MRTFA: variants seen among roughly 807,000 people sequenced by gnomAD.
MRTFA encodes the protein myocardin-related transcription factor A.
Under a neutral mutation model 83.5 loss-of-function variants are expected in MRTFA, and 20 were observed. The observed-to-expected ratio is 0.24, with a 90% CI of 0.17 to 0.35. MRTFA has a LOEUF of 0.35. MRTFA is among the 10% of genes least tolerant of loss of function. The pLI is 1.00. For synonymous variants in MRTFA, 659 were observed against 541.2 expected (o/e 1.22, Z -3.02); for missense variants, 1,200 against 1,224.7 (o/e 0.98, Z 0.30).
chr22:40,625,610 T>A (rs1806709239), intron 1 of MRTFA, among the ~76,000 whole-genome samples: 1 of 152,042 alleles, frequency 6.6e-6, no homozygotes, highest in African/African-American at 2.4e-5. Flanking sequence ...AAACCCTATC[T>A]CTACTAAAAA....
chr22:40,561,123 A>G (rs2055608627), intron 2 of MRTFA, among the ~76,000 whole-genome samples: 1 of 147,850 alleles, frequency 6.8e-6, no homozygotes, highest in Non-Finnish European at 1.5e-5. Context: ...AGTAAACCTA[A>G]TCTTGAAAAC....
chr22:40,421,159 G>A, intron 9 of MRTFA, 59 bp from the exon 10 acceptor site: 1 of 1,499,802 alleles, frequency 6.7e-7, no homozygotes, highest in Non-Finnish European at 8.9e-7. Flanking sequence ...TCGGGGTGGG[G>A]CTGGCAACTC....
chr22:40,527,405 G>A (rs1481258666), intron 3 of MRTFA, among the ~76,000 whole-genome samples: 2 of 151,118 alleles, frequency 1.3e-5, no homozygotes, highest in Non-Finnish European at 2.9e-5. Flanking sequence ...TGTCATTGAT[G>A]GCAGAGTGGT....
chr22:40,455,825 T>C (rs1233395182), intron 4 of MRTFA, among the ~76,000 whole-genome samples: 5 of 151,140 alleles, frequency 3.3e-5, no homozygotes, highest in African/African-American at 4.9e-5. Flanking sequence ...TGTATGTATG[T>C]ATGTATGTAT....
chr22:40,437,616 G>A (rs2053196164), intron 4 of MRTFA, among the ~76,000 whole-genome samples: 1 of 151,988 alleles, frequency 6.6e-6, no homozygotes, highest in South Asian at 2.1e-4. Flanking sequence ...AAACATTTTT[G>A]TACAGGCATG....
intron 3 of MRTFA, among the ~76,000 whole-genome samples, chr22:40,493,901 G>C (rs1428778493): frequency 6.6e-6 from 1 of 152,220 alleles, no homozygotes; most frequent in Admixed American, 6.5e-5. Context: ...TTCTGTGCCT[G>C]ATGTAAATTG....
intron 3 of MRTFA, among the ~76,000 whole-genome samples, chr22:40,537,059 G>GC (rs549633260): frequency 7.2e-3 from 1 of 138 alleles, no homozygotes; most frequent in Non-Finnish European, 0.017. Flanking sequence ...CGTCCGGGAG[G>GC]AGGTGGGGGG....
chr22:40,632,405 TC>T (rs1176890867), intron 1 of MRTFA, among the ~76,000 whole-genome samples: 1 of 151,908 alleles, frequency 6.6e-6, no homozygotes, highest in Non-Finnish European at 1.5e-5. Context: ...TGCCTCAGCC[TC>T]CTGAGTAGCT....
chr22:40,490,015 G>A (rs968327298), intron 3 of MRTFA, among the ~76,000 whole-genome samples: 2 of 150,022 alleles, frequency 1.3e-5, no homozygotes, highest in African/African-American at 4.9e-5. Flanking sequence ...AATTGCTTAG[G>A]GTAGTTATCT....
At chr22:40,514,781 T>C (rs1273321088) in intron 3 of MRTFA, among the ~76,000 whole-genome samples, 1 of 151,814 alleles carries the variant, frequency 6.6e-6, no homozygotes, top group Non-Finnish European at 1.5e-5. Context: ...CGCCCAGCCC[T>C]TCCTACCTCT....
At chr22:40,431,877 C>T (rs1451328326) in intron 5 of MRTFA, among the ~76,000 whole-genome samples, 1 of 152,326 alleles carries the variant, frequency 6.6e-6, no homozygotes, top group Middle Eastern at 3.4e-3. Flanking sequence ...TCTAGTTATT[C>T]TTCCATGCAG....
intron 4 of MRTFA, among the ~76,000 whole-genome samples, chr22:40,445,374 C>CTAAGAA (rs1470243592): frequency 6.6e-6 from 1 of 152,158 alleles, no homozygotes; most frequent in Non-Finnish European, 1.5e-5. Flanking sequence ...TGTGCATTTC[C>CTAAGAA]TAAGAATAAG....
At chr22:40,475,481 G>C (rs542081099) in intron 3 of MRTFA, among the ~76,000 whole-genome samples, 2 of 152,060 alleles carry the variant, frequency 1.3e-5, no homozygotes, top group East Asian at 3.9e-4. Context: ...AGGTTGCAGT[G>C]AGCCGAAATT....
chr22:40,582,661 C>CAT (rs1296138939), intron 2 of MRTFA, among the ~76,000 whole-genome samples: 2 of 143,452 alleles, frequency 1.4e-5, no homozygotes, highest in African/African-American at 5.5e-5. Flanking sequence ...ACTTTATACA[C>CAT]ACATACACAC....
At chr22:40,602,482 T>C (rs2056271627) in intron 1 of MRTFA, among the ~76,000 whole-genome samples, 1 of 152,106 alleles carries the variant, frequency 6.6e-6, no homozygotes, top group South Asian at 2.1e-4. Flanking sequence ...AAAGAGAAAG[T>C]AAGGCTGCAG....
In MRTFA at chr22:40,456,507, G is replaced by A. The variant is rs5995859; in HGVS notation, c.307+6714C>T. ...GTTTGAGACCAACCTGGGCAACATG[G>A]CAAAACCGCATTTCTACTAATAATA... On this transcript the variant is annotated intron_variant, in intron 4 of 14. Coordinates refer to ENST00000355630, the MANE Select transcript of MRTFA (RefSeq NM_020831.6). Among the ~76,000 whole-genome samples the A allele has an allele frequency of 7.3e-3, 1,110 of 152,182 alleles. 23 individuals are homozygous for A. The highest frequency in any genetic ancestry group is 0.071 in the Middle Eastern group (21 of 294).
chr22:40,635,342 A>G (rs568724516), intron 1 of MRTFA, among the ~76,000 whole-genome samples: 2 of 48,110 alleles, frequency 4.2e-5, no homozygotes, highest in East Asian at 5.6e-3. Flanking sequence ...CTTACTGACA[A>G]TAAGTCTTAA....
chr22:40,500,353 T>TA (rs1414255131), intron 3 of MRTFA, among the ~76,000 whole-genome samples: 4 of 149,958 alleles, frequency 2.7e-5, no homozygotes, highest in East Asian at 3.9e-4. Flanking sequence ...TTTTTATTTT[T>TA]TTTTTAACAT....
At chr22:40,498,269 ATATATTTTTT>A (rs1172651705) in intron 3 of MRTFA, among the ~76,000 whole-genome samples, 2 of 88,382 alleles carry the variant, frequency 2.3e-5, no homozygotes, top group African/African-American at 1.0e-4. Flanking sequence ...ATATATATAT[ATATATTTTTT>A]TTTTTTTTTT....
Sources: gnomAD v4.1 joint callset for allele counts (sites outside exome capture counted in the v4.1 genomes callset) on GRCh38, gnomAD v4.1.1 for gene constraint, MANE v1.5 for transcripts, NCBI Gene and HGNC (gene_info 2026-07-23, HGNC 2026-07-21) for gene names.